The following ITGBL1 variants were observed in gnomAD, a reference collection of about 807,000 sequenced individuals.
ITGBL1 encodes the protein integrin beta-like protein 1.
A neutral mutation model predicts 68.5 loss-of-function variants in ITGBL1; 51 were observed. The ratio of observed to expected loss-of-function variants is 0.74; its 90% CI spans 0.59 to 0.94. The LOEUF (loss-of-function observed/expected upper bound fraction) is 0.94. Ranked by LOEUF, ITGBL1 falls within the 40% of genes least tolerant of loss-of-function variation. The pLI is 0.00. For missense variants in ITGBL1, 649 were observed against 647.4 expected (o/e 1.00, Z -0.03); for synonymous variants, 209 against 227.3 (o/e 0.92, Z 0.72).
At chr13:101,587,776 A>G (rs958975984) in intron 6 of ITGBL1, among the ~76,000 whole-genome samples, 2 of 152,200 alleles carry the variant, frequency 1.3e-5, no homozygotes, top group Non-Finnish European at 2.9e-5. Flanking sequence ...GAAAGAAACT[A>G]AAGGAAATGA....
intron 7 of ITGBL1, among the ~76,000 whole-genome samples, chr13:101,658,276 A>G (rs2032987035): frequency 6.6e-6 from 1 of 152,214 alleles, no homozygotes; most frequent in Admixed American, 6.5e-5. Context: ...CCTAACTAAA[A>G]TATTTGTTAT....
chr13:101,713,786 G>A lies in ITGBL1; in HGVS notation c.1280-652G>A, dbSNP rs183748156. On this transcript the variant is annotated intron_variant, in intron 9 of 10. Transcript: ENST00000376180. The stretch of plus-strand genomic sequence containing the variant: ...GGTAGGAGAAATGGGTGAAGTGGAG[G>A]GAAAAAGAGTTGAATCCAGAGCCTC... 2.0e-5 allele frequency: 3 copies of A among 152,174 alleles called. No homozygotes were observed. The East Asian group carries it at 5.8e-4, about 29-fold the overall frequency. The allele number at this position is 152,174 out of a possible 1,614,324, so 9.4% of individuals were successfully genotyped here. A position where few individuals can be genotyped will look rare whatever the true frequency, so the allele number is the denominator to read the frequency against.
At chr13:101,454,205 A>G (rs1156285890) in intron 2 of ITGBL1, 105 bp downstream of exon 2, 2 of 675,602 alleles carry the variant, frequency 3.0e-6, no homozygotes, top group Non-Finnish European at 4.4e-6. Flanking sequence ...CTCCCTTCAC[A>G]TAAGCACCAA....
At chr13:101,666,161 T>C (rs552438473) in intron 7 of ITGBL1, among the ~76,000 whole-genome samples, 1 of 152,198 alleles carries the variant, frequency 6.6e-6, no homozygotes, top group Admixed American at 6.5e-5. Context: ...ACTGACATAA[T>C]CTGGTATCAA....
At chr13:101,692,422 G>A (rs1343624754) in intron 7 of ITGBL1, among the ~76,000 whole-genome samples, 163 bp from the exon 8 acceptor site, 1 of 152,136 alleles carries the variant, frequency 6.6e-6, no homozygotes, top group Non-Finnish European at 1.5e-5. Context: ...TTGAACTTCA[G>A]CTTACCTTAG....
At chr13:101,585,746 A>G (rs1445998603) in intron 6 of ITGBL1, among the ~76,000 whole-genome samples, 1 of 152,100 alleles carries the variant, frequency 6.6e-6, no homozygotes, top group Non-Finnish European at 1.5e-5. Flanking sequence ...TCATTTTAAG[A>G]TTGCTTTTGA....
intron 8 of ITGBL1, among the ~76,000 whole-genome samples, chr13:101,695,989 C>T (rs778018797): frequency 1.1e-4 from 16 of 152,148 alleles, no homozygotes; most frequent in African/African-American, 3.4e-4. Context: ...AAGCTGTTTA[C>T]GGAATCATCG....
intron 8 of ITGBL1, chr13:101,692,996 A>G: frequency 4.0e-6 from 1 of 249,722 alleles, no homozygotes; most frequent in Non-Finnish European, 7.7e-6. Flanking sequence ...TCAGCATTTT[A>G]ACATGATTTT....
chr13:101,513,545 T>A (rs1191738857), intron 2 of ITGBL1, among the ~76,000 whole-genome samples: 1 of 152,152 alleles, frequency 6.6e-6, no homozygotes, highest in Non-Finnish European at 1.5e-5. Context: ...ATCCAACGTA[T>A]TATGTCTTTA....
intron 7 of ITGBL1, among the ~76,000 whole-genome samples, chr13:101,612,569 A>AT (rs1473060924): frequency 1.5e-4 from 4 of 25,884 alleles, no homozygotes; most frequent in Admixed American, 9.8e-4. Context: ...TAATGTAATT[A>AT]TAAAAAAAAA....
At chr13:101,659,146 G>T (rs2033015929) in intron 7 of ITGBL1, among the ~76,000 whole-genome samples, 2 of 140,856 alleles carry the variant, frequency 1.4e-5, no homozygotes, top group Non-Finnish European at 3.1e-5. Context: ...TGCAACCTCT[G>T]CCTCCCATGT....
intron 2 of ITGBL1, among the ~76,000 whole-genome samples, chr13:101,538,138 A>G (rs1320275569): frequency 6.6e-6 from 1 of 152,084 alleles, no homozygotes; most frequent in Non-Finnish European, 1.5e-5. Context: ...AAGTTTTAAA[A>G]TTTATATTGG....
At chr13:101,612,219 C>T (rs193266406) in intron 7 of ITGBL1, among the ~76,000 whole-genome samples, 2 of 152,244 alleles carry the variant, frequency 1.3e-5, no homozygotes, top group Admixed American at 6.5e-5. Flanking sequence ...GTAAATAATA[C>T]CAAATGGCCT....
intron 2 of ITGBL1, among the ~76,000 whole-genome samples, chr13:101,485,739 C>T (rs528944317): frequency 1.3e-5 from 2 of 152,190 alleles, no homozygotes; most frequent in African/African-American, 4.8e-5. Flanking sequence ...TTGCAGTGAG[C>T]CAAGATCACG....
At chr13:101,485,126 T>C (rs2048682820) in intron 2 of ITGBL1, among the ~76,000 whole-genome samples, 1 of 152,160 alleles carries the variant, frequency 6.6e-6, no homozygotes, top group Admixed American at 6.5e-5. Flanking sequence ...AAAATACTTT[T>C]CAAAAACAAA....
intron 6 of ITGBL1, among the ~76,000 whole-genome samples, chr13:101,586,839 A>G (rs947008309): frequency 2.6e-5 from 4 of 152,102 alleles, no homozygotes; most frequent in Admixed American, 2.6e-4. Flanking sequence ...AATTCTATAT[A>G]CTGTATGGTA....
intron 8 of ITGBL1, 91 bp from the exon 9 acceptor site, chr13:101,706,665 T>G (rs2034270367): frequency 7.7e-7 from 1 of 1,292,648 alleles, no homozygotes; most frequent in Non-Finnish European, 1.1e-6. Context: ...GGAAATGAGA[T>G]CCTATGGTTT....
At chr13:101,713,666 C>T (rs1466423806) in intron 9 of ITGBL1, 2 of 152,074 alleles carry the variant, frequency 1.3e-5, no homozygotes, top group East Asian at 3.8e-4. Flanking sequence ...TTCATCATCT[C>T]ATTTATTTTC....
chr13:101,611,728 T>A (rs2031137763), intron 7 of ITGBL1, among the ~76,000 whole-genome samples: 1 of 152,026 alleles, frequency 6.6e-6, no homozygotes, highest in African/African-American at 2.4e-5. Flanking sequence ...CTTAGCTCCA[T>A]AAGCTTGCAT....
Sources: gnomAD v4.1 joint callset for allele counts (sites outside exome capture counted in the v4.1 genomes callset) on GRCh38, gnomAD v4.1.1 for gene constraint, MANE v1.5 for transcripts, NCBI Gene and HGNC (gene_info 2026-07-23, HGNC 2026-07-21) for gene names.